TTC28: variants seen among roughly 807,000 people sequenced by gnomAD.
TTC28 encodes tetratricopeptide repeat protein 28.
In TTC28, 61 loss-of-function variants were observed where a neutral mutation model predicts 198.0. That is an observed-to-expected ratio of 0.31 (90% confidence interval 0.25 to 0.38). TTC28 has a LOEUF of 0.38. TTC28 is among the 10% of genes least tolerant of loss of function. The pLI is 1.00. For missense variants in TTC28, 2,678 were observed against 3,164.0 expected, an observed-to-expected ratio of 0.85 and a Z score of 3.69; for synonymous variants, 1,171 against 1,297.8, an observed-to-expected ratio of 0.90 and a Z score of 2.10.
At chr22:28,536,291 C>CA (rs913918544) in intron 2 of TTC28, among the ~76,000 whole-genome samples, 21 of 150,154 alleles carry the variant, frequency 1.4e-4, no homozygotes, top group African/African-American at 7.3e-5. Context: ...ATAAAGTTGG[C>CA]AAAAAAAGTA....
chr22:27,985,017 A>G (rs1269831150), intron 22 of TTC28, among the ~76,000 whole-genome samples: 3 of 152,258 alleles, frequency 2.0e-5, no homozygotes, highest in Non-Finnish European at 4.4e-5. Flanking sequence ...TCTCACTTCC[A>G]GTCCCTTGCC....
At chr22:28,485,184 A>C (rs1214583536) in intron 2 of TTC28, among the ~76,000 whole-genome samples, 1 of 152,230 alleles carries the variant, frequency 6.6e-6, no homozygotes, top group African/African-American at 2.4e-5. Context: ...GTTTGATGAG[A>C]AAATTAGAAG....
At chr22:28,255,015 C>T (rs1486935386) in intron 5 of TTC28, among the ~76,000 whole-genome samples, 1 of 152,058 alleles carries the variant, frequency 6.6e-6, no homozygotes, top group Admixed American at 6.5e-5. Context: ...ATTTATATAC[C>T]ACAAATTATA....
intron 12 of TTC28, among the ~76,000 whole-genome samples, chr22:28,050,007 T>C (rs1225657782): frequency 6.6e-6 from 1 of 152,114 alleles, no homozygotes; most frequent in Non-Finnish European, 1.5e-5. Context: ...CTGAAGTCAA[T>C]TACTGAGTGT....
At chr22:28,669,294 G>A (rs2051839061) in intron 1 of TTC28, among the ~76,000 whole-genome samples, 1 of 138,474 alleles carries the variant, frequency 7.2e-6, no homozygotes. Context: ...CTAAAACTTA[G>A]AGTATAATAA....
chr22:28,546,261 C>T (rs1397566627), intron 2 of TTC28, among the ~76,000 whole-genome samples: 2 of 152,200 alleles, frequency 1.3e-5, no homozygotes, highest in Non-Finnish European at 2.9e-5. Context: ...CCTGGCCCAA[C>T]ATGGTGAGAC....
intron 2 of TTC28, among the ~76,000 whole-genome samples, chr22:28,603,814 C>T (rs982937688): frequency 4.0e-5 from 6 of 151,366 alleles, no homozygotes; most frequent in African/African-American, 9.7e-5. Flanking sequence ...AAAAAAATCA[C>T]GAAATTTAAC....
chr22:27,989,113 G>A (rs1338954026), intron 21 of TTC28, among the ~76,000 whole-genome samples: 2 of 152,188 alleles, frequency 1.3e-5, no homozygotes, highest in African/African-American at 4.8e-5. Flanking sequence ...AGCCTCTTGT[G>A]TTCTATCAAC....
chr22:28,587,868 G>A (rs1314247155), intron 2 of TTC28, among the ~76,000 whole-genome samples: 5 of 152,066 alleles, frequency 3.3e-5, no homozygotes, highest in Non-Finnish European at 7.4e-5. Flanking sequence ...ATGGCCAGGT[G>A]CAGTGGCTCA....
intron 5 of TTC28, among the ~76,000 whole-genome samples, chr22:28,202,919 G>A (rs561923545): frequency 4.0e-5 from 6 of 151,768 alleles, no homozygotes; most frequent in Admixed American, 2.0e-4. Flanking sequence ...TAAACACTAC[G>A]GATACAGTTT....
chr22:27,990,703 G>A (rs1308324116), intron 20 of TTC28, 86 bp downstream of exon 20: 21 of 1,368,604 alleles, frequency 1.5e-5, no homozygotes, highest in Admixed American at 4.4e-5. Flanking sequence ...CGTGCACCCC[G>A]AGCTCAGAGC....
chr22:28,626,549 G>A (rs889173254), intron 2 of TTC28, among the ~76,000 whole-genome samples: 1 of 152,014 alleles, frequency 6.6e-6, no homozygotes, highest in Admixed American at 6.6e-5. Context: ...ACAAGAAAAT[G>A]TAAGTGAATC....
chr22:28,448,662 G>A (rs899776396), intron 2 of TTC28, among the ~76,000 whole-genome samples: 1 of 152,120 alleles, frequency 6.6e-6, no homozygotes, highest in Non-Finnish European at 1.5e-5. Flanking sequence ...TGGGTAATCC[G>A]AGAATCTCAA....
At chr22:28,114,063 A>G (rs1275555752) in intron 6 of TTC28, among the ~76,000 whole-genome samples, 2 of 152,224 alleles carry the variant, frequency 1.3e-5, no homozygotes, top group Non-Finnish European at 2.9e-5. Flanking sequence ...GAACATGTAG[A>G]GACTGAAAAC....
At chr22:28,662,604 T>C (rs1248744989) in intron 1 of TTC28, among the ~76,000 whole-genome samples, 1 of 152,224 alleles carries the variant, frequency 6.6e-6, no homozygotes, top group East Asian at 1.9e-4. Flanking sequence ...GCTATAATAA[T>C]CTCAAACACC....
intron 14 of TTC28, among the ~76,000 whole-genome samples, chr22:28,004,908 T>C (rs935982603): frequency 1.3e-5 from 2 of 152,186 alleles, no homozygotes; most frequent in Non-Finnish European, 2.9e-5. Flanking sequence ...GAAACACTAT[T>C]CAGCACCTGG....
At chr22:28,513,620 T>C (rs2048727658) in intron 2 of TTC28, among the ~76,000 whole-genome samples, 1 of 152,108 alleles carries the variant, frequency 6.6e-6, no homozygotes, top group Non-Finnish European at 1.5e-5. Flanking sequence ...AAAAAGTTTG[T>C]TTAATTAAAA....
chr22:28,135,115 T>C (rs59846801), intron 6 of TTC28, among the ~76,000 whole-genome samples: 1,704 of 152,274 alleles, frequency 0.011, 29 homozygotes, highest in African/African-American at 0.039. Flanking sequence ...TTTTGGATCT[T>C]ACTTGAATGT....
intron 2 of TTC28, among the ~76,000 whole-genome samples, chr22:28,517,328 T>C (rs955881728): frequency 1.4e-4 from 21 of 151,696 alleles, no homozygotes; most frequent in African/African-American, 5.1e-4. Context: ...TTTCCAAAGA[T>C]AAAAATTAGT....
Sources: allele counts gnomAD v4.1 joint callset (sites outside exome capture counted in the v4.1 genomes callset), GRCh38; gene constraint gnomAD v4.1.1; transcripts MANE v1.5; gene names NCBI Gene and HGNC (gene_info 2026-07-23, HGNC 2026-07-21).